JARID2: variants seen among roughly 807,000 people sequenced by gnomAD.
The protein encoded by JARID2 is jumonji and AT-rich interaction domain containing 2.
In JARID2, 21 loss-of-function variants were observed where a neutral mutation model predicts 125.6. That is an observed-to-expected ratio of 0.17 (90% CI 0.12 to 0.24). The LOEUF (loss-of-function observed/expected upper bound fraction) is 0.24. Among genes scored for constraint, JARID2 ranks in the 10% least tolerant of loss-of-function variants. The pLI, the probability that JARID2 is intolerant of heterozygous loss-of-function variation, is 1.00. For synonymous variants in JARID2, 736 were observed against 661.6 expected (o/e 1.11, Z -1.73); for missense variants, 1,303 against 1,639.6 (o/e 0.79, Z 3.55).
Position 15,489,910 on chromosome 6 carries a change from C to T in JARID2, c.906+2368C>T, listed in dbSNP as rs564314412. 3.9e-5 allele frequency among the ~76,000 whole-genome samples: 6 copies of T among 152,352 alleles called. No homozygotes were observed. In the South Asian group the frequency reaches 1.2e-3, roughly 32 times the overall value. ...CTCCTCCTTCCCTGTTCCAGTCTAA[C>T]CAGCCCAGATGGGTTGACCCATGGC... On this transcript the variant is annotated intron_variant, in intron 6 of 17. Coordinates refer to ENST00000341776, the MANE Select transcript of JARID2 (RefSeq NM_004973.4).
chr6:15,401,101 T>G, intron 2 of JARID2: 3 of 1,288,404 alleles, frequency 2.3e-6, no homozygotes, highest in Non-Finnish European at 3.0e-6. Flanking sequence ...AAATAGGCCT[T>G]TGTGGGTTTC....
intron 1 of JARID2, among the ~76,000 whole-genome samples, chr6:15,304,588 T>C (rs1581391633): frequency 6.6e-6 from 1 of 152,056 alleles, no homozygotes; most frequent in Admixed American, 6.5e-5. Context: ...CTTTGTAGCA[T>C]GGCCTTTCCC....
At chr6:15,413,422 C>G (rs900670425) in intron 3 of JARID2, among the ~76,000 whole-genome samples, 1 of 152,116 alleles carries the variant, frequency 6.6e-6, no homozygotes, top group Admixed American at 6.6e-5. Context: ...TTTCGTGTTG[C>G]TGTAACAGAA....
intron 7 of JARID2, among the ~76,000 whole-genome samples, chr6:15,498,849 T>G (rs1444548149): frequency 6.6e-6 from 1 of 152,218 alleles, no homozygotes; most frequent in East Asian, 1.9e-4. Context: ...CCATGACTAC[T>G]TGGGACACAG....
chr6:15,479,809 C>G (rs530355954), intron 5 of JARID2, among the ~76,000 whole-genome samples: 1 of 152,186 alleles, frequency 6.6e-6, no homozygotes, highest in African/African-American at 2.4e-5. Context: ...TGCAGCTTTC[C>G]CTAGTTTTAC....
At chr6:15,289,811 A>T (rs1761139464) in intron 1 of JARID2, among the ~76,000 whole-genome samples, 1 of 152,152 alleles carries the variant, frequency 6.6e-6, no homozygotes. Context: ...GTGCCACTGC[A>T]CTCCAGCCTG....
intron 9 of JARID2, chr6:15,505,307 C>T (rs1243448978): frequency 2.0e-5 from 3 of 151,500 alleles, no homozygotes; most frequent in Non-Finnish European, 2.9e-5. Flanking sequence ...TATTTGCTGA[C>T]CACAGCCTCA....
intron 5 of JARID2, among the ~76,000 whole-genome samples, chr6:15,485,822 G>A (rs1418517852): frequency 6.6e-6 from 1 of 152,190 alleles, no homozygotes; most frequent in East Asian, 1.9e-4. Context: ...AAAATTCCAT[G>A]TGAGATTGAA....
chr6:15,284,644 G>A (rs1407185162), intron 1 of JARID2, among the ~76,000 whole-genome samples: 6 of 151,586 alleles, frequency 4.0e-5, no homozygotes, highest in South Asian at 2.1e-4. Context: ...CTGCCAACAC[G>A]CTTGGCTAAT....
chr6:15,436,566 G>A (rs966346630), intron 3 of JARID2, among the ~76,000 whole-genome samples: 2 of 152,152 alleles, frequency 1.3e-5, no homozygotes, highest in Non-Finnish European at 2.9e-5. Flanking sequence ...GAAGGCAGAA[G>A]TGCCTTCCTC....
chr6:15,488,293 A>T (rs1045646939), intron 6 of JARID2, among the ~76,000 whole-genome samples: 10 of 152,210 alleles, frequency 6.6e-5, no homozygotes, highest in Non-Finnish European at 1.3e-4. Context: ...CCTAGGGATG[A>T]GTAGTGGGGA....
chr6:15,458,544 T>C (rs1487025861), intron 4 of JARID2, among the ~76,000 whole-genome samples: 1 of 152,276 alleles, frequency 6.6e-6, no homozygotes, highest in Non-Finnish European at 1.5e-5. Context: ...ATTCAGTTGC[T>C]AATTAATTCA....
chr6:15,328,768 G>A (rs1190916288), intron 1 of JARID2, among the ~76,000 whole-genome samples: 1 of 152,200 alleles, frequency 6.6e-6, no homozygotes. Flanking sequence ...AATTCACGAT[G>A]ACTTCATTTA....
chr6:15,386,644 T>C (rs1334728339), intron 2 of JARID2, among the ~76,000 whole-genome samples: 1 of 152,238 alleles, frequency 6.6e-6, no homozygotes. Context: ...TAAATGTATT[T>C]GCTCATTGTG....
At chr6:15,395,072 G>C (rs1455093268) in intron 2 of JARID2, among the ~76,000 whole-genome samples, 1 of 151,584 alleles carries the variant, frequency 6.6e-6, no homozygotes, top group East Asian at 1.9e-4. Context: ...CTAATTATTA[G>C]AAGCAAATCG....
chr6:15,422,422 T>C (rs1203413728), intron 3 of JARID2, among the ~76,000 whole-genome samples: 1 of 152,168 alleles, frequency 6.6e-6, no homozygotes, highest in Non-Finnish European at 1.5e-5. Context: ...AAGGTGAACC[T>C]GAGTTCCTGG....
chr6:15,520,894 C>A lies in JARID2; in HGVS notation c.*643C>A, dbSNP rs1581681598. 1 of 452,780 alleles carries A rather than the reference C, an allele frequency of 2.2e-6. No homozygotes were observed. Among genetic ancestry groups the A allele is most frequent in the East Asian group, 7.0e-5 (1 of 14,276 alleles). The allele number at this position is 452,780 out of a possible 1,614,324, so 28.0% of individuals were successfully genotyped here. A position where few individuals can be genotyped will look rare whatever the true frequency, so the allele number is the denominator to read the frequency against. ...GAGTGGGCTCTCCACCAGCACATCA[C>A]TATGCATCTGTTCCAGGAAAGAAGA... On this transcript the variant is annotated 3_prime_UTR_variant, in exon 18 of 18. Transcript: ENST00000341776.
intron 1 of JARID2, among the ~76,000 whole-genome samples, chr6:15,349,589 C>CT (rs1763357496): frequency 6.6e-6 from 1 of 152,240 alleles, no homozygotes; most frequent in Admixed American, 6.5e-5. Context: ...TCACTGATGG[C>CT]TTTTGACTCA....
chr6:15,417,627 C>T (rs935959331), intron 3 of JARID2, among the ~76,000 whole-genome samples: 5 of 151,984 alleles, frequency 3.3e-5, no homozygotes, highest in African/African-American at 1.2e-4. Flanking sequence ...GCCTGTAGTC[C>T]CAGTTACAGG....
Sources: gnomAD v4.1 joint callset for allele counts (sites outside exome capture counted in the v4.1 genomes callset) on GRCh38, gnomAD v4.1.1 for gene constraint, MANE v1.5 for transcripts, NCBI Gene and HGNC (gene_info 2026-07-23, HGNC 2026-07-21) for gene names.